The following CORIN variants were observed in gnomAD, a reference collection of about 807,000 sequenced individuals.
CORIN encodes atrial natriuretic peptide-converting enzyme.
In CORIN, 117 loss-of-function variants were observed where a neutral mutation model predicts 125.3. The ratio of observed to expected loss-of-function variants is 0.93; its 90% confidence interval spans 0.80 to 1.09. The LOEUF (loss-of-function observed/expected upper bound fraction) is 1.09. Among genes scored for constraint, CORIN ranks in the 50% least tolerant of loss-of-function variants. The pLI is 0.00. For missense variants in CORIN, 1,253 were observed against 1,306.7 expected, an observed-to-expected ratio of 0.96 and a Z score of 0.63; for synonymous variants, 450 against 466.4, an observed-to-expected ratio of 0.96 and a Z score of 0.45.
intron 1 of CORIN, among the ~76,000 whole-genome samples, chr4:47,833,521 C>CAAAAAAAAAAAAAAAAAA (rs75657429): frequency 8.7e-6 from 1 of 115,030 alleles, no homozygotes; most frequent in Non-Finnish European, 1.7e-5. Context: ...AAAGCATAGG[C>CAAAAAAAAAAAAAAAAAA]AAAAAAAAAA....
intron 2 of CORIN, among the ~76,000 whole-genome samples, chr4:47,789,172 C>A (rs1007107635): frequency 1.3e-4 from 20 of 151,904 alleles, no homozygotes; most frequent in Non-Finnish European, 2.5e-4. Context: ...GGCATGGTGG[C>A]GGGCACCTGT....
chr4:47,654,443 C>A (rs1723872379), intron 12 of CORIN, among the ~76,000 whole-genome samples: 1 of 152,182 alleles, frequency 6.6e-6, no homozygotes, highest in Admixed American at 6.5e-5. Flanking sequence ...GAAAGACAGT[C>A]TTGAATCACC....
Position 47,653,585 on chromosome 4 carries a change from TCGG to T in CORIN, c.1808_1810del (p.Ala603del). ...TTCCTCATCACTGTCATCGTCACAG[TCGG>T]CCTGGCCATCACATCTTCTGGAAGC... On this transcript the variant is annotated inframe_deletion, in exon 13 of 22. Transcript: ENST00000273857. 1 of 1,614,126 alleles carries T rather than the reference TCGG, an allele frequency of 6.2e-7. No individual in the cohort carries two copies. Among genetic ancestry groups the T allele is most frequent in the Non-Finnish European group, 8.5e-7 (1 of 1,179,970 alleles).
At position 47,595,031 on chromosome 4, in the gene CORIN, C is replaced by T. The variant is rs576072352; in HGVS notation, c.*690G>A. 1 of 152,218 alleles carries T rather than the reference C, an allele frequency of 6.6e-6. No homozygotes were observed. Among genetic ancestry groups the T allele is most frequent in the South Asian group, 2.1e-4 (1 of 4,816 alleles). The allele number at this position is 152,218 out of a possible 1,614,324, so 9.4% of individuals were successfully genotyped here. A position where few individuals can be genotyped will look rare whatever the true frequency, so the allele number is the denominator to read the frequency against. On this transcript the variant is annotated 3_prime_UTR_variant, in exon 22 of 22. Transcript: ENST00000273857. Reference sequence around the variant, plus strand: ...AATGGATGACACTGGTCTTTTATTGCTGTCTTTTATCAGTTCTCAGAATTA... The same window carrying T: ...AATGGATGACACTGGTCTTTTATTGTTGTCTTTTATCAGTTCTCAGAATTA...
chr4:47,733,599 T>G (rs1727988034), intron 5 of CORIN, among the ~76,000 whole-genome samples: 1 of 152,220 alleles, frequency 6.6e-6, no homozygotes, highest in African/African-American at 2.4e-5. Context: ...AAATACGATT[T>G]AAAATCAACT....
chr4:47,802,471 G>A (rs1361562839), intron 2 of CORIN, among the ~76,000 whole-genome samples: 2 of 152,170 alleles, frequency 1.3e-5, no homozygotes, highest in African/African-American at 4.8e-5. Flanking sequence ...GTGGTGGCCT[G>A]GCAAAAGCCC....
intron 3 of CORIN, among the ~76,000 whole-genome samples, chr4:47,774,309 C>T (rs1730190811): frequency 6.6e-6 from 1 of 152,194 alleles, no homozygotes; most frequent in East Asian, 1.9e-4. Context: ...GGTGGGAGCC[C>T]CACCCCCTTC....
chr4:47,648,181 G>A (rs778759619), intron 13 of CORIN, among the ~76,000 whole-genome samples: 3 of 152,148 alleles, frequency 2.0e-5, no homozygotes, highest in Non-Finnish European at 2.9e-5. Context: ...AAAAGGAAAA[G>A]GATATGATTC....
intron 9 of CORIN, among the ~76,000 whole-genome samples, chr4:47,675,673 T>C (rs1470426772): frequency 6.6e-6 from 1 of 152,178 alleles, no homozygotes; most frequent in African/African-American, 2.4e-5. Flanking sequence ...GATAGAGGTA[T>C]CATCCTGAAC....
chr4:47,703,858 C>G (rs1009268863), intron 5 of CORIN, among the ~76,000 whole-genome samples: 24 of 152,148 alleles, frequency 1.6e-4, no homozygotes, highest in African/African-American at 5.3e-4. Flanking sequence ...GGTAGGGGCA[C>G]CTGGGTTCTT....
intron 5 of CORIN, among the ~76,000 whole-genome samples, chr4:47,694,159 T>C (rs1165814702): frequency 6.6e-6 from 1 of 152,186 alleles, no homozygotes; most frequent in East Asian, 1.9e-4. Context: ...TTGTAGAAAA[T>C]ACTTAATGTC....
At chr4:47,628,124 G>A (rs1370638208) in intron 16 of CORIN, among the ~76,000 whole-genome samples, 1 of 152,048 alleles carries the variant, frequency 6.6e-6, no homozygotes, top group Non-Finnish European at 1.5e-5. Flanking sequence ...ATGAAAATTA[G>A]GTTTCCATGA....
At chr4:47,812,883 A>G (rs1056280993) in intron 1 of CORIN, among the ~76,000 whole-genome samples, 1 of 152,264 alleles carries the variant, frequency 6.6e-6, no homozygotes, top group African/African-American at 2.4e-5. Context: ...GCAAATAACT[A>G]CTTCTTACAG....
chr4:47,629,942 G>A (rs1560480001), intron 16 of CORIN, among the ~76,000 whole-genome samples: 1 of 152,052 alleles, frequency 6.6e-6, no homozygotes. Flanking sequence ...GGCAAAGCTG[G>A]TAATTTAATC....
chr4:47,691,265 A>C (rs1338420947), intron 6 of CORIN, among the ~76,000 whole-genome samples: 1 of 152,228 alleles, frequency 6.6e-6, no homozygotes, highest in African/African-American at 2.4e-5. Context: ...CCACAATGGG[A>C]GAATAGCTAG....
chr4:47,682,850 G>A (rs1359372664), intron 7 of CORIN: 1 of 152,172 alleles, frequency 6.6e-6, no homozygotes, highest in Non-Finnish European at 1.5e-5. Flanking sequence ...TATTTTTACA[G>A]ATACAGCAAG....
chr4:47,795,629 C>T (rs1293490841), intron 2 of CORIN, among the ~76,000 whole-genome samples: 1 of 151,742 alleles, frequency 6.6e-6, no homozygotes, highest in Non-Finnish European at 1.5e-5. Context: ...AAACTGAAAA[C>T]TTTGCACAGC....
intron 3 of CORIN, among the ~76,000 whole-genome samples, chr4:47,764,803 T>C (rs888982616): frequency 6.6e-6 from 1 of 152,220 alleles, no homozygotes; most frequent in Admixed American, 6.5e-5. Flanking sequence ...TCAAGGTCTG[T>C]ATGTATAGTA....
intron 4 of CORIN, among the ~76,000 whole-genome samples, chr4:47,749,071 C>A (rs1728785370): frequency 6.6e-6 from 1 of 151,864 alleles, no homozygotes; most frequent in Non-Finnish European, 1.5e-5. Context: ...ATAAACTAAT[C>A]TTTAAATATT....
Sources: allele counts gnomAD v4.1 joint callset (sites outside exome capture counted in the v4.1 genomes callset), GRCh38; gene constraint gnomAD v4.1.1; transcripts MANE v1.5; gene names NCBI Gene and HGNC (gene_info 2026-07-23, HGNC 2026-07-21).